The following CATSPERB variants were observed in gnomAD, a reference collection of about 807,000 sequenced individuals.
CATSPERB encodes the protein cation channel sperm-associated auxiliary subunit beta.
CATSPERB carries 93 observed loss-of-function variants against 128.3 expected under a neutral mutation model. The observed-to-expected ratio is 0.72, with a 90% CI of 0.61 to 0.86. CATSPERB has a LOEUF of 0.86. CATSPERB is among the 40% of genes least tolerant of loss of function. The pLI is 0.00. For synonymous variants in CATSPERB, 381 were observed against 448.8 expected (o/e 0.85, Z 1.91); for missense variants, 1,153 against 1,329.5 (o/e 0.87, Z 2.06).
rs867918987 is a variant in CATSPERB at position 91,663,640 on chromosome 14, G to A, written c.1288-3659C>T. ...AGCCTGGGCGACAAAGTGAGACTCC[G>A]TCTCAAAAAAAAAAAAAAAAAAAAA... On this transcript the variant is annotated intron_variant, in intron 14 of 26. Coordinates refer to ENST00000256343, the MANE Select transcript of CATSPERB (RefSeq NM_024764.4). Among the ~76,000 whole-genome samples the A allele has an allele frequency of 9.7e-5, 5 of 51,422 alleles. No individual in the cohort carries two copies. The East Asian group carries it at 2.0e-3, about 20-fold the overall frequency. 33.7% of individuals were successfully genotyped at this position (51,422 alleles called of 152,430 possible). A position where few individuals can be genotyped will look rare whatever the true frequency, so the allele number is the denominator to read the frequency against.
At chr14:91,684,825 C>T (rs2139840397) in intron 10 of CATSPERB, among the ~76,000 whole-genome samples, 1 of 151,986 alleles carries the variant, frequency 6.6e-6, no homozygotes, top group Non-Finnish European at 1.5e-5. Flanking sequence ...CCATGTTGGC[C>T]AGGCTGGTCT....
At chr14:91,660,116 T>A (rs1704673) in intron 14 of CATSPERB, 135 bp from the exon 15 acceptor site, 90,904 of 230,646 alleles carry the variant, frequency 0.39, 4,733 homozygotes, top group South Asian at 0.46. Flanking sequence ...TCTCTCTCTC[T>A]CACACACACA....
Position 91,723,049 on chromosome 14 carries a change from C to A in CATSPERB, c.309G>T (p.Leu103Phe). ...YNGIFHFNLT[L>F]FSDRILWLVD... ...ACAGAGTAAGATAAAATGTAATTAC[C>A]AACGTTAAATTAAAGTGGAAGATGC... The change falls in exon 4 of 27, where the codon TTG becomes TTT. Residue 103 changes from leucine to phenylalanine, a missense_variant and splice_region_variant. Physicochemically the swap from Leu to Phe is conservative, Grantham distance 22 (BLOSUM62 0). Coordinates refer to ENST00000256343, the MANE Select transcript of CATSPERB (RefSeq NM_024764.4). 1 of 1,491,740 alleles carries A rather than the reference C, an allele frequency of 6.7e-7. No homozygotes were observed. Among genetic ancestry groups the A allele is most frequent in the South Asian group, 1.5e-5 (1 of 67,462 alleles). The allele number at this position is 1,491,740 out of a possible 1,614,324, so 92.4% of individuals were successfully genotyped here.
chr14:91,631,749 C>A (rs1595155515), intron 17 of CATSPERB, among the ~76,000 whole-genome samples: 1 of 152,030 alleles, frequency 6.6e-6, no homozygotes, highest in Non-Finnish European at 1.5e-5. Flanking sequence ...TGTAATATTT[C>A]TTCTGAGGTT....
chr14:91,658,088 T>C (rs1200951135), intron 15 of CATSPERB, among the ~76,000 whole-genome samples: 2 of 152,156 alleles, frequency 1.3e-5, no homozygotes, highest in Admixed American at 1.3e-4. Flanking sequence ...CACTCCCATG[T>C]TTATTGTAGT....
chr14:91,699,618 G>A (rs1895615001), intron 7 of CATSPERB, among the ~76,000 whole-genome samples: 1 of 150,848 alleles, frequency 6.6e-6, no homozygotes, highest in South Asian at 2.1e-4. Context: ...TTGTCACCCA[G>A]GCTGGAATGC....
intron 22 of CATSPERB, among the ~76,000 whole-genome samples, chr14:91,605,511 G>GCT (rs1488925414): frequency 6.6e-6 from 1 of 152,138 alleles, no homozygotes; most frequent in African/African-American, 2.4e-5. Flanking sequence ...AACCCTAGAT[G>GCT]GCTCTTGATT....
At chr14:91,599,760 G>A (rs545638023) in intron 22 of CATSPERB, among the ~76,000 whole-genome samples, 1 of 152,166 alleles carries the variant, frequency 6.6e-6, no homozygotes, top group East Asian at 1.9e-4. Flanking sequence ...AAGGCACCAA[G>A]ACTCAAGTGG....
At chr14:91,581,471 C>T (rs921176613) in intron 26 of CATSPERB, among the ~76,000 whole-genome samples, 6 of 152,178 alleles carry the variant, frequency 3.9e-5, no homozygotes, top group South Asian at 2.1e-4. Flanking sequence ...TCAGGGAATG[C>T]GCTTTCTGAG....
chr14:91,659,887 G>A lies in CATSPERB; in HGVS notation c.1382C>T (p.Ser461Leu), dbSNP rs752163291. Residue 461 changes from serine to leucine, a missense_variant, in exon 15 of 27, where the codon TCA becomes TTA. Ser to Leu is a moderately radical substitution (Grantham distance 145). Transcript: ENST00000256343. ...ACGTTGAGAAACAAAAGTAATAGCT[G>A]ATGTATAAAAACTATGAAAAGTCTT... ...IKKTFHSFYTSAITFVSQRGK... is the reference protein window; with the variant it reads ...IKKTFHSFYTLAITFVSQRGK... 6 of 1,602,396 alleles carry A rather than the reference G, an allele frequency of 3.7e-6. No homozygotes were observed. The highest frequency in any genetic ancestry group is 2.3e-5 in the South Asian group (2 of 87,848).
chr14:91,716,040 A>G (rs1895931959), intron 5 of CATSPERB, among the ~76,000 whole-genome samples: 1 of 152,218 alleles, frequency 6.6e-6, no homozygotes, highest in Non-Finnish European at 1.5e-5. Context: ...TGTGATATCA[A>G]AAGTACCATC....
rs772272296 is a variant in CATSPERB, at chr14:91,591,885, A to T, written c.2820+7T>A. 6.3e-7 allele frequency: 1 copy of T among 1,588,310 alleles called. No individual in the cohort carries two copies. Among genetic ancestry groups the T allele is most frequent in the Non-Finnish European group, 8.6e-7 (1 of 1,156,570 alleles). The stretch of plus-strand genomic sequence containing the variant: ...TCCTGTATTCAGGTAATTAGAAATG[A>T]TCTTACTTTTTCCCTGCAATCCGAG... On this transcript the variant is annotated splice_region_variant and intron_variant, in intron 23 of 26. Transcript: ENST00000256343.
intron 18 of CATSPERB, 65 bp from the exon 19 acceptor site, chr14:91,622,002 T>C: frequency 9.5e-7 from 1 of 1,053,970 alleles, no homozygotes; most frequent in African/African-American, 1.6e-5. Flanking sequence ...AACAAACTGA[T>C]GTACATAGCT....
At chr14:91,709,926 A>G (rs2139768672) in intron 5 of CATSPERB, 1 of 152,444 alleles carries the variant, frequency 6.6e-6, no homozygotes, top group Middle Eastern at 3.4e-3. Flanking sequence ...ACTAGCATGC[A>G]CTTCTGTTTG....
At chr14:91,624,727 A>G (rs944904986) in intron 18 of CATSPERB, 93 bp downstream of exon 18, 11 of 907,772 alleles carry the variant, frequency 1.2e-5, no homozygotes, top group Non-Finnish European at 1.7e-5. Flanking sequence ...TTTGAAATCT[A>G]TTGCTCTATA....
At chr14:91,649,335 G>A (rs1387080069) in intron 15 of CATSPERB, among the ~76,000 whole-genome samples, 1 of 7,900 alleles carries the variant, frequency 1.3e-4, no homozygotes, top group Non-Finnish European at 3.2e-4. Context: ...ACATATATGT[G>A]TGTGTGTGTG....
intron 6 of CATSPERB, 84 bp from the exon 7 acceptor site, chr14:91,704,785 C>T (rs1895709500): frequency 3.6e-6 from 5 of 1,385,064 alleles, no homozygotes; most frequent in Non-Finnish European, 5.0e-6. Flanking sequence ...TTTAAAAGAA[C>T]TATGTAAAGA....
At chr14:91,680,330 A>C (rs1566729203) in intron 11 of CATSPERB, among the ~76,000 whole-genome samples, 1 of 152,178 alleles carries the variant, frequency 6.6e-6, no homozygotes, top group East Asian at 1.9e-4. Context: ...GTGATATTAT[A>C]AGGGCTGGTT....
At chr14:91,604,051 T>C (rs1893656128) in intron 22 of CATSPERB, among the ~76,000 whole-genome samples, 1 of 151,318 alleles carries the variant, frequency 6.6e-6, no homozygotes, top group African/African-American at 2.4e-5. Context: ...CTTTCTTTTA[T>C]GGAGTCTCAC....
Sources: allele counts gnomAD v4.1 joint callset (sites outside exome capture counted in the v4.1 genomes callset), GRCh38; gene constraint gnomAD v4.1.1; transcripts MANE v1.5; gene names NCBI Gene and HGNC (gene_info 2026-07-23, HGNC 2026-07-21).